The following CNTNAP4 variants were observed in gnomAD, a reference collection of about 807,000 sequenced individuals.
The protein encoded by CNTNAP4 is contactin associated protein family member 4.
CNTNAP4 carries 98 observed loss-of-function variants against 148.4 expected under a neutral mutation model. That is an observed-to-expected ratio of 0.66 (90% CI 0.56 to 0.78). CNTNAP4 has a LOEUF of 0.78. Among genes scored for constraint, CNTNAP4 ranks in the 30% least tolerant of loss-of-function variants. The probability of loss-of-function intolerance (pLI) is 0.00; values close to 1 mark genes in which losing one functional copy is unlikely to be tolerated. For synonymous variants in CNTNAP4, 730 were observed against 565.1 expected (o/e 1.29, Z -4.14); for missense variants, 1,935 against 1,565.6 (o/e 1.24, Z -3.98).
At chr16:76,429,370 A>G (rs528179702) in intron 4 of CNTNAP4, among the ~76,000 whole-genome samples, 1 of 152,238 alleles carries the variant, frequency 6.6e-6, no homozygotes, top group African/African-American at 2.4e-5. Flanking sequence ...CAGAACATCC[A>G]CCTTGCAAAA....
intron 9 of CNTNAP4, among the ~76,000 whole-genome samples, chr16:76,464,221 A>G (rs949157600): frequency 2.0e-5 from 3 of 152,156 alleles, no homozygotes; most frequent in Admixed American, 1.3e-4. Context: ...GGATCCTGGG[A>G]GTGAACTAGA....
rs374298922 is a variant in CNTNAP4, at chr16:76,345,258, A to G, written c.197-10060A>G. 2.6e-5 allele frequency among the ~76,000 whole-genome samples: 4 copies of G among 152,118 alleles called. No homozygotes were observed. The East Asian group carries it at 7.7e-4, about 29-fold the overall frequency. ...CTCTGGCTAGCTCCCAGCCAGACCC[A>G]CATTCACTTCTAGGCAGTGCTCTTC... On this transcript the variant is annotated intron_variant, in intron 2 of 23. Coordinates refer to ENST00000611870, the MANE Select transcript of CNTNAP4 (RefSeq NM_033401.5).
intron 3 of CNTNAP4, among the ~76,000 whole-genome samples, chr16:76,389,450 G>A (rs72794968): frequency 1.2e-4 from 18 of 151,912 alleles, no homozygotes; most frequent in South Asian, 4.1e-4. Flanking sequence ...TTGTTTTTGC[G>A]TTTTTTGTTT....
At chr16:76,448,746 T>A (rs1384009162) in intron 5 of CNTNAP4, 21 bp from the exon 6 acceptor site, 1 of 1,553,220 alleles carries the variant, frequency 6.4e-7, no homozygotes, top group Non-Finnish European at 8.7e-7. Context: ...AATGGTGCTG[T>A]TATTTTTCTC....
intron 4 of CNTNAP4, among the ~76,000 whole-genome samples, chr16:76,434,163 G>T (rs921660605): frequency 1.5e-4 from 22 of 149,424 alleles, no homozygotes; most frequent in Admixed American, 3.3e-4. Flanking sequence ...TTGAAATATC[G>T]AATATATATA....
chr16:76,370,727 C>T (rs2014711497), intron 3 of CNTNAP4, among the ~76,000 whole-genome samples: 2 of 152,214 alleles, frequency 1.3e-5, no homozygotes, highest in Middle Eastern at 3.4e-3. Flanking sequence ...TTTTTCTTTG[C>T]TTATAGAAGA....
intron 3 of CNTNAP4, among the ~76,000 whole-genome samples, chr16:76,367,911 A>G (rs1318365719): frequency 2.0e-5 from 3 of 152,170 alleles, no homozygotes; most frequent in Non-Finnish European, 2.9e-5. Flanking sequence ...GTCCTAGGCT[A>G]TTCACTGATT....
At chr16:76,550,298 C>T (rs1391539839) in intron 21 of CNTNAP4, among the ~76,000 whole-genome samples, 1 of 152,168 alleles carries the variant, frequency 6.6e-6, no homozygotes, top group Non-Finnish European at 1.5e-5. Flanking sequence ...TCCCTGCTAA[C>T]ATGTAAAATA....
intron 17 of CNTNAP4, among the ~76,000 whole-genome samples, chr16:76,523,765 A>C (rs1416251403): frequency 2.6e-5 from 4 of 152,112 alleles, no homozygotes; most frequent in Non-Finnish European, 5.9e-5. Context: ...CTCTACAAAA[A>C]GTAAAAAATT....
chr16:76,319,368 CAG>C (rs1157039665), intron 2 of CNTNAP4, among the ~76,000 whole-genome samples: 1 of 151,944 alleles, frequency 6.6e-6, no homozygotes, highest in Non-Finnish European at 1.5e-5. Context: ...TCCAGGGTGA[CAG>C]AGTGAGACTC....
At chr16:76,485,914 C>T (rs956446224) in intron 12 of CNTNAP4, among the ~76,000 whole-genome samples, 29 of 152,300 alleles carry the variant, frequency 1.9e-4, no homozygotes, top group Admixed American at 7.2e-4. Flanking sequence ...TTCCTTAAGA[C>T]AGCACTTCCT....
chr16:76,545,498 G>A (rs1185997286), intron 21 of CNTNAP4, among the ~76,000 whole-genome samples: 1 of 152,120 alleles, frequency 6.6e-6, no homozygotes, highest in Non-Finnish European at 1.5e-5. Context: ...CGTGGAGTGG[G>A]CAAGTGTATT....
chr16:76,463,490 C>T (rs1184137213), intron 9 of CNTNAP4, among the ~76,000 whole-genome samples: 1 of 152,100 alleles, frequency 6.6e-6, no homozygotes, highest in Non-Finnish European at 1.5e-5. Flanking sequence ...ATATATCACA[C>T]ATGTACTCTG....
At chr16:76,312,771 A>C (rs1362108371) in intron 1 of CNTNAP4, among the ~76,000 whole-genome samples, 8 of 152,188 alleles carry the variant, frequency 5.3e-5, no homozygotes, top group Admixed American at 4.6e-4. Context: ...GAGAAGAGCA[A>C]ATTAATCGAA....
intron 3 of CNTNAP4, among the ~76,000 whole-genome samples, chr16:76,404,563 G>A (rs2078536417): frequency 6.6e-6 from 1 of 152,068 alleles, no homozygotes; most frequent in Non-Finnish European, 1.5e-5. Flanking sequence ...CCAAGGGTCT[G>A]AATTAGAATC....
intron 8 of CNTNAP4, among the ~76,000 whole-genome samples, chr16:76,456,538 A>G (rs2080737912): frequency 1.3e-5 from 2 of 152,174 alleles, no homozygotes; most frequent in African/African-American, 4.8e-5. Flanking sequence ...ATAAGTAGTC[A>G]TGATTTTTCC....
intron 11 of CNTNAP4, among the ~76,000 whole-genome samples, chr16:76,478,748 AACC>A (rs1398687299): frequency 6.6e-6 from 1 of 152,134 alleles, no homozygotes; most frequent in Non-Finnish European, 1.5e-5. Flanking sequence ...AACACACTGA[AACC>A]ACTTGAAGGC....
intron 17 of CNTNAP4, among the ~76,000 whole-genome samples, chr16:76,532,624 C>A (rs2084034754): frequency 6.6e-6 from 1 of 152,126 alleles, no homozygotes; most frequent in Non-Finnish European, 1.5e-5. Context: ...TGGGATAATA[C>A]AAAGTAAATT....
At chr16:76,555,638 C>G (rs907645613) in intron 23 of CNTNAP4, among the ~76,000 whole-genome samples, 1 of 152,208 alleles carries the variant, frequency 6.6e-6, no homozygotes, top group Non-Finnish European at 1.5e-5. Flanking sequence ...AATATTTAAT[C>G]TCTAGACTAT....
Sources: allele counts gnomAD v4.1 joint callset (sites outside exome capture counted in the v4.1 genomes callset), GRCh38; gene constraint gnomAD v4.1.1; transcripts MANE v1.5; gene names NCBI Gene and HGNC (gene_info 2026-07-23, HGNC 2026-07-21).